The following XKR4 variants were observed in gnomAD, a reference collection of about 807,000 sequenced individuals.
The protein encoded by XKR4 is XK related 4.
XKR4 carries 12 observed loss-of-function variants against 53.9 expected under a neutral mutation model. The ratio of observed to expected loss-of-function variants is 0.22; its 90% CI spans 0.14 to 0.36. The LOEUF is 0.36. Among genes scored for constraint, XKR4 ranks in the 10% least tolerant of loss-of-function variants. The probability of loss-of-function intolerance (pLI) is 1.00; values close to 1 mark genes in which losing one functional copy is unlikely to be tolerated. For synonymous variants in XKR4, 354 were observed against 362.4 expected (o/e 0.98, Z 0.26); for missense variants, 799 against 859.5 (o/e 0.93, Z 0.88).
intron 2 of XKR4, among the ~76,000 whole-genome samples, chr8:55,371,472 G>A (rs1804069138): frequency 6.6e-6 from 1 of 152,062 alleles, no homozygotes. Flanking sequence ...TCTGACTTTT[G>A]AGTCTGTCTT....
chr8:55,179,957 A>G (rs1817284637), intron 1 of XKR4, among the ~76,000 whole-genome samples: 1 of 152,212 alleles, frequency 6.6e-6, no homozygotes, highest in Non-Finnish European at 1.5e-5. Flanking sequence ...CTCTAGCAGA[A>G]CCTAGAATAA....
intron 1 of XKR4, among the ~76,000 whole-genome samples, chr8:55,302,234 A>G (rs1819211329): frequency 6.6e-6 from 1 of 152,194 alleles, no homozygotes; most frequent in African/African-American, 2.4e-5. Context: ...TTTTCCCAGC[A>G]CCATTTATTA....
At chr8:55,458,687 T>C (rs557892094) in intron 2 of XKR4, among the ~76,000 whole-genome samples, 7 of 152,336 alleles carry the variant, frequency 4.6e-5, no homozygotes, top group Non-Finnish European at 8.8e-5. Context: ...GCCGGGAATG[T>C]CCCCAGACAA....
chr8:55,470,114 G>A (rs188180372), intron 2 of XKR4, among the ~76,000 whole-genome samples: 233 of 152,164 alleles, frequency 1.5e-3, no homozygotes, highest in Middle Eastern at 3.4e-3. Flanking sequence ...TAACCCTATC[G>A]GCTTAATATA....
chr8:55,355,115 G>C (rs1803779600), intron 1 of XKR4, among the ~76,000 whole-genome samples: 1 of 151,896 alleles, frequency 6.6e-6, no homozygotes, highest in Non-Finnish European at 1.5e-5. Context: ...TATTGGTCAG[G>C]CTGGTCTTGA....
chr8:55,402,926 C>T (rs1804624376), intron 2 of XKR4, among the ~76,000 whole-genome samples: 1 of 152,190 alleles, frequency 6.6e-6, no homozygotes, highest in African/African-American at 2.4e-5. Flanking sequence ...ACTCAGAAAA[C>T]AGACCTCTTT....
At chr8:55,128,042 C>T (rs543695139) in intron 1 of XKR4, among the ~76,000 whole-genome samples, 20 of 152,158 alleles carry the variant, frequency 1.3e-4, no homozygotes, top group South Asian at 8.3e-4. Context: ...AATACACATA[C>T]GTGTGCATGT....
chr8:55,436,092 G>C (rs1805173618), intron 2 of XKR4, among the ~76,000 whole-genome samples: 1 of 152,090 alleles, frequency 6.6e-6, no homozygotes, highest in African/African-American at 2.4e-5. Flanking sequence ...ATGGAATTCT[G>C]TTCTCTCTCA....
At chr8:55,510,987 C>A in intron 2 of XKR4, among the ~76,000 whole-genome samples, 1 of 152,198 alleles carries the variant, frequency 6.6e-6, no homozygotes, top group African/African-American at 2.4e-5. Flanking sequence ...CCATCCATGT[C>A]CTCAGGGTAT....
At chr8:55,432,169 G>C (rs1805113678) in intron 2 of XKR4, among the ~76,000 whole-genome samples, 1 of 152,180 alleles carries the variant, frequency 6.6e-6, no homozygotes, top group African/African-American at 2.4e-5. Flanking sequence ...GGTGGCTGGG[G>C]CAGGAGGAGG....
intron 1 of XKR4, among the ~76,000 whole-genome samples, chr8:55,300,991 A>T (rs968914492): frequency 5.3e-5 from 8 of 152,064 alleles, no homozygotes; most frequent in South Asian, 2.1e-4. Flanking sequence ...TTATTTTTTT[A>T]TTTATTTTTT....
At chr8:55,143,814 T>C (rs1816736427) in intron 1 of XKR4, among the ~76,000 whole-genome samples, 1 of 152,218 alleles carries the variant, frequency 6.6e-6, no homozygotes, top group Non-Finnish European at 1.5e-5. Context: ...GTCAGTACAC[T>C]AAGCAATGTG....
At chr8:55,428,563 G>A (rs549013914) in intron 2 of XKR4, among the ~76,000 whole-genome samples, 1 of 152,304 alleles carries the variant, frequency 6.6e-6, no homozygotes, top group Non-Finnish European at 1.5e-5. Context: ...CACCGGAGTG[G>A]TGTTAGAGAA....
chr8:55,470,215 G>C (rs945942671), intron 2 of XKR4, among the ~76,000 whole-genome samples: 1 of 152,112 alleles, frequency 6.6e-6, no homozygotes, highest in Non-Finnish European at 1.5e-5. Flanking sequence ...ATATTGGGGG[G>C]AAATGCAAAC....
chr8:55,421,665 G>A (rs1486257781), intron 2 of XKR4, among the ~76,000 whole-genome samples: 1 of 152,072 alleles, frequency 6.6e-6, no homozygotes, highest in Non-Finnish European at 1.5e-5. Flanking sequence ...GAATAATTTG[G>A]GCTACACGCC....
At chr8:55,496,847 A>G in intron 2 of XKR4, among the ~76,000 whole-genome samples, 1 of 152,258 alleles carries the variant, frequency 6.6e-6, no homozygotes, top group East Asian at 1.9e-4. Context: ...CCATCATTAG[A>G]AAGTACCATT....
At chr8:55,279,307 G>A (rs969373826) in intron 1 of XKR4, among the ~76,000 whole-genome samples, 5 of 152,088 alleles carry the variant, frequency 3.3e-5, no homozygotes, top group African/African-American at 1.2e-4. Context: ...AATGTCTAGG[G>A]TGCTGTAAGA....
intron 2 of XKR4, among the ~76,000 whole-genome samples, chr8:55,460,063 T>C (rs948871341): frequency 2.1e-5 from 3 of 144,250 alleles, no homozygotes; most frequent in African/African-American, 7.6e-5. Flanking sequence ...AAACAAAATA[T>C]AGTATATTTA....
intron 2 of XKR4, among the ~76,000 whole-genome samples, chr8:55,461,709 A>G (rs1585587112): frequency 6.6e-6 from 1 of 152,220 alleles, no homozygotes; most frequent in East Asian, 1.9e-4. Context: ...CAAATGGCAA[A>G]TAAGTTAAAA....
Sources: gnomAD v4.1 joint callset for allele counts (sites outside exome capture counted in the v4.1 genomes callset) on GRCh38, gnomAD v4.1.1 for gene constraint, MANE v1.5 for transcripts, NCBI Gene and HGNC (gene_info 2026-07-23, HGNC 2026-07-21) for gene names.